The following PIBF1 variants were observed in gnomAD, a reference collection of about 807,000 sequenced individuals.
PIBF1 encodes progesterone immunomodulatory binding factor 1.
A neutral mutation model predicts 112.5 loss-of-function variants in PIBF1; 90 were observed. The ratio of observed to expected loss-of-function variants is 0.80; its 90% CI spans 0.67 to 0.95. PIBF1 has a LOEUF of 0.95. PIBF1 is among the 40% of genes least tolerant of loss of function. PIBF1 has a pLI of 0.00. For synonymous variants in PIBF1, 301 were observed against 288.6 expected, an observed-to-expected ratio of 1.04 and a Z score of -0.44; for missense variants, 915 against 852.3, an observed-to-expected ratio of 1.07 and a Z score of -0.92.
At chr13:72,858,973 A>G (rs2038571032) in intron 10 of PIBF1, among the ~76,000 whole-genome samples, 1 of 152,184 alleles carries the variant, frequency 6.6e-6, no homozygotes, top group Non-Finnish European at 1.5e-5. Context: ...TAATAATTTG[A>G]TGCAATCTTA....
At chr13:72,985,402 G>A (rs1007470197) in intron 16 of PIBF1, among the ~76,000 whole-genome samples, 3 of 149,480 alleles carry the variant, frequency 2.0e-5, no homozygotes, top group South Asian at 2.1e-4. Context: ...AAGCCAGGGC[G>A]GTGGCGGGTG....
chr13:72,878,466 T>C (rs368285199), intron 10 of PIBF1, among the ~76,000 whole-genome samples: 2 of 152,240 alleles, frequency 1.3e-5, no homozygotes, highest in South Asian at 4.1e-4. Context: ...TATTGTTGAT[T>C]TCTAGTTTAA....
At chr13:72,793,194 A>G (rs934406877) in intron 3 of PIBF1, among the ~76,000 whole-genome samples, 1 of 152,206 alleles carries the variant, frequency 6.6e-6, no homozygotes, top group Non-Finnish European at 1.5e-5. Flanking sequence ...GATTTACACA[A>G]AATCAAATCA....
At chr13:72,838,722 T>C (rs1211556778) in intron 9 of PIBF1, among the ~76,000 whole-genome samples, 1 of 152,200 alleles carries the variant, frequency 6.6e-6, no homozygotes, top group Admixed American at 6.5e-5. Context: ...AGTTAGGTTT[T>C]CTATCTTGTC....
chr13:72,861,217 G>C (rs2038683623), intron 10 of PIBF1, among the ~76,000 whole-genome samples: 1 of 152,016 alleles, frequency 6.6e-6, no homozygotes. Context: ...AGGATTACTT[G>C]AGCCCAGGAG....
chr13:72,892,818 A>ACACG (rs1300762241), intron 10 of PIBF1, among the ~76,000 whole-genome samples: 1 of 146,914 alleles, frequency 6.8e-6, no homozygotes, highest in East Asian at 2.0e-4. Context: ...ACGCACACGC[A>ACACG]CACACACCCC....
chr13:72,948,226 T>TA (rs1594251541), intron 14 of PIBF1, among the ~76,000 whole-genome samples: 2 of 151,468 alleles, frequency 1.3e-5, no homozygotes, highest in Non-Finnish European at 2.9e-5. Context: ...AAGTATAATT[T>TA]AAAAAAAAGA....
At chr13:72,902,680 G>T (rs1329762071) in intron 11 of PIBF1, among the ~76,000 whole-genome samples, 3 of 152,142 alleles carry the variant, frequency 2.0e-5, no homozygotes, top group Non-Finnish European at 4.4e-5. Context: ...AGTAACTTAA[G>T]TGTCCAACAG....
At chr13:72,782,862 T>A (rs1052081621) in intron 1 of PIBF1, among the ~76,000 whole-genome samples, 2 of 148,432 alleles carry the variant, frequency 1.3e-5, no homozygotes, top group East Asian at 4.0e-4. Flanking sequence ...CTTCCAGTCT[T>A]GATCGTTAAG....
At chr13:72,924,615 G>A (rs1435582017) in intron 13 of PIBF1, among the ~76,000 whole-genome samples, 2 of 152,136 alleles carry the variant, frequency 1.3e-5, no homozygotes, top group African/African-American at 2.4e-5. Flanking sequence ...AGCTATGTGG[G>A]AGGATGAGCT....
intron 8 of PIBF1, among the ~76,000 whole-genome samples, chr13:72,832,203 G>A (rs2037160021): frequency 6.7e-6 from 1 of 149,808 alleles, no homozygotes; most frequent in African/African-American, 2.5e-5. Context: ...ACACTCATGG[G>A]TCTTGACTCT....
intron 13 of PIBF1, among the ~76,000 whole-genome samples, chr13:72,928,596 C>T (rs7322078): frequency 0.1 from 15,965 of 152,092 alleles, 2,398 homozygotes; most frequent in African/African-American, 0.34. Flanking sequence ...CCTGCCACCA[C>T]GCCCAGCTAA....
chr13:72,827,238 ATTTTTTT>A (rs35211035), intron 7 of PIBF1, 120 bp downstream of exon 7: 283 of 141,752 alleles, frequency 2.0e-3, no homozygotes, highest in South Asian at 6.9e-3. Context: ...AAAAAGATAA[ATTTTTTT>A]TTTTTTTTTT....
At chr13:72,950,199 A>G (rs1284243930) in intron 14 of PIBF1, among the ~76,000 whole-genome samples, 1 of 152,304 alleles carries the variant, frequency 6.6e-6, no homozygotes, top group African/African-American at 2.4e-5. Context: ...ACAAATTTGA[A>G]TAATTCTAGT....
At chr13:72,935,300 A>G (rs1348257854) in intron 14 of PIBF1, among the ~76,000 whole-genome samples, 1 of 152,154 alleles carries the variant, frequency 6.6e-6, no homozygotes, top group Non-Finnish European at 1.5e-5. Context: ...AGACTTTTAT[A>G]TAAGAGGAAT....
chr13:72,996,829 T>A lies in PIBF1; in HGVS notation c.2050-1993T>A, dbSNP rs145258871. ...AAATTTACCATCGATATAAGTTGGA[T>A]CATTATATAAGCCAAACATAATAAA... On this transcript the variant is annotated intron_variant, in intron 16 of 17. Coordinates refer to ENST00000326291, the MANE Select transcript of PIBF1 (RefSeq NM_006346.4). Among the ~76,000 whole-genome samples the A allele has an allele frequency of 8.7e-3, 1,323 of 152,242 alleles. 68 individuals carry two copies. The highest frequency in any genetic ancestry group is 9.3e-3 in the East Asian group (48 of 5,180).
chr13:72,841,837 A>G (rs2037624332), intron 9 of PIBF1, among the ~76,000 whole-genome samples: 2 of 152,200 alleles, frequency 1.3e-5, no homozygotes, highest in Admixed American at 1.3e-4. Flanking sequence ...ATGAAATAAT[A>G]TATGCAAAAA....
At chr13:72,835,504 A>G in intron 9 of PIBF1, 136 bp downstream of exon 9, 1 of 592,676 alleles carries the variant, frequency 1.7e-6, no homozygotes. Context: ...ATTGAAATCT[A>G]AGTATAATGA....
intron 17 of PIBF1, among the ~76,000 whole-genome samples, chr13:73,000,052 A>G (rs896365521): frequency 6.6e-6 from 1 of 151,502 alleles, no homozygotes; most frequent in East Asian, 1.9e-4. Flanking sequence ...AAAATAAAAT[A>G]AAATAAAATA....
Sources: allele counts gnomAD v4.1 joint callset (sites outside exome capture counted in the v4.1 genomes callset), GRCh38; gene constraint gnomAD v4.1.1; transcripts MANE v1.5; gene names NCBI Gene and HGNC (gene_info 2026-07-23, HGNC 2026-07-21).